The following SGCB variants were observed in gnomAD, a reference collection of about 807,000 sequenced individuals.
SGCB encodes the protein beta-sarcoglycan.
SGCB carries 25 observed loss-of-function variants against 27.3 expected under a neutral mutation model. That is an observed-to-expected ratio of 0.92 (90% CI 0.67 to 1.28). SGCB has a LOEUF of 1.28. Ranked by LOEUF, SGCB falls within the 50% of genes most tolerant of loss-of-function variation. The pLI is 0.00. For missense variants in SGCB, 436 were observed against 402.1 expected (o/e 1.08, Z -0.72); for synonymous variants, 147 against 133.5 (o/e 1.10, Z -0.70).
chr4:52,037,242 A>AT (rs1737415705), intron 1 of SGCB, among the ~76,000 whole-genome samples: 1 of 152,068 alleles, frequency 6.6e-6, no homozygotes, highest in South Asian at 2.1e-4. Flanking sequence ...TCTTTAGCTG[A>AT]TTTTTTCTGC....
intron 5 of SGCB, among the ~76,000 whole-genome samples, chr4:52,025,134 TGGGGAATACAGCAGTA>T (rs1737053504): frequency 6.6e-6 from 1 of 152,138 alleles, no homozygotes; most frequent in African/African-American, 2.4e-5. Flanking sequence ...TTCTAGGTGC[TGGGGAATACAGCAGTA>T]AGTAAAACAG....
intron 5 of SGCB, among the ~76,000 whole-genome samples, chr4:52,026,871 A>G (rs1195320724): frequency 1.3e-5 from 2 of 152,192 alleles, no homozygotes; most frequent in African/African-American, 4.8e-5. Flanking sequence ...GTGACTTTCT[A>G]CTGCTGAGAA....
chr4:52,036,667 G>T (rs144182104), intron 1 of SGCB, among the ~76,000 whole-genome samples: 56 of 152,270 alleles, frequency 3.7e-4, no homozygotes, highest in African/African-American at 1.3e-3. Flanking sequence ...TCAGGATCTC[G>T]TGATTGTTTG....
At chr4:52,025,289 T>C (rs1737060239) in intron 5 of SGCB, among the ~76,000 whole-genome samples, 1 of 151,912 alleles carries the variant, frequency 6.6e-6, no homozygotes, top group Non-Finnish European at 1.5e-5. Flanking sequence ...GCAGGATAAG[T>C]AGAGAGTGAG....
At position 52,026,868 on chromosome 4, in the gene SGCB, T is replaced by C. The variant is rs1737112059; in HGVS notation, c.753+1100A>G. 2.0e-5 allele frequency among the ~76,000 whole-genome samples: 3 copies of C among 152,236 alleles called. 1 individual carries two copies. The South Asian group carries it at 6.2e-4, about 32-fold the overall frequency. ...AACAAATCTCTTGCTTCTGTGACTT[T>C]CTACTGCTGAGAACAGCAGTTGTAC... is the stretch of plus-strand genomic sequence containing the variant. On this transcript the variant is annotated intron_variant, in intron 5 of 5. Transcript: ENST00000381431.
At chr4:52,029,164 G>C (rs1737185091) in intron 3 of SGCB, among the ~76,000 whole-genome samples, 1 of 152,224 alleles carries the variant, frequency 6.6e-6, no homozygotes, top group Admixed American at 6.5e-5. Context: ...AGTCATGGAG[G>C]AACATGGCCC....
At chr4:52,036,529 G>T (rs958705742) in intron 1 of SGCB, among the ~76,000 whole-genome samples, 2 of 152,156 alleles carry the variant, frequency 1.3e-5, no homozygotes, top group Non-Finnish European at 2.9e-5. Flanking sequence ...AAAAAGAGAT[G>T]AACTGGAACT....
rs1022423224 is a variant in SGCB, at chr4:52,023,590, G to A, written c.*367C>T. On this transcript the variant is annotated 3_prime_UTR_variant, in exon 6 of 6. Transcript: ENST00000381431. ...CATACCTTTTTAAATATCTTAAGTGGGTCTATCCCCATTAGAGTTACCAAA... is the reference window on the plus strand; with the variant it reads ...CATACCTTTTTAAATATCTTAAGTGAGTCTATCCCCATTAGAGTTACCAAA... 5 of 256,774 alleles carry A rather than the reference G, an allele frequency of 1.9e-5. No individual in the cohort carries two copies. The highest frequency in any genetic ancestry group is 1.5e-4 in the Admixed American group (3 of 19,734). The allele number at this position is 256,774 out of a possible 1,614,324, so 15.9% of individuals were successfully genotyped here. A position where few individuals can be genotyped will look rare whatever the true frequency, so the allele number is the denominator to read the frequency against.
At chr4:52,027,198 C>T (rs936925217) in intron 5 of SGCB, among the ~76,000 whole-genome samples, 1 of 152,014 alleles carries the variant, frequency 6.6e-6, no homozygotes, top group Non-Finnish European at 1.5e-5. Context: ...ATTTAATTCG[C>T]TTTAATTAAA....
At chr4:52,030,624 A>G (rs225172) in intron 2 of SGCB, among the ~76,000 whole-genome samples, 87,678 of 152,010 alleles carry the variant, frequency 0.58, 28,274 homozygotes, top group Middle Eastern at 0.78. Context: ...TTTCTCTCTC[A>G]GGAAATCTTT....
At position 52,023,302 on chromosome 4, in the gene SGCB, A is replaced by G. The variant is rs1164611718; in HGVS notation, c.*655T>C. On this transcript the variant is annotated 3_prime_UTR_variant, in exon 6 of 6. Transcript: ENST00000381431. ...ATGCTCAATAAAGATAGTTATCATT[A>G]TTATTTAAAAGTTAAAGCTGAGATG... The G allele has an allele frequency of 6.6e-6, 1 of 152,620 alleles. No individual in the cohort carries two copies. Among genetic ancestry groups the G allele is most frequent in the Non-Finnish European group, 1.5e-5 (1 of 68,326 alleles). The allele number at this position is 152,620 out of a possible 1,614,324, so 9.5% of individuals were successfully genotyped here.
chr4:52,031,835 C>T (rs140403995), intron 2 of SGCB: 2 of 451,272 alleles, frequency 4.4e-6, no homozygotes, highest in African/African-American at 4.0e-5. Context: ...TGACAGGTGT[C>T]ACAAGAGGGA....
chr4:52,034,328 T>C (rs1412866536), intron 1 of SGCB, among the ~76,000 whole-genome samples: 1 of 21,086 alleles, frequency 4.7e-5, no homozygotes, highest in African/African-American at 1.4e-4. Context: ...CGAGACTCCG[T>C]CTCAAAAAAA....
At chr4:52,030,224 A>G (rs1403182442) in intron 2 of SGCB, among the ~76,000 whole-genome samples, 1 of 152,176 alleles carries the variant, frequency 6.6e-6, no homozygotes, top group Admixed American at 6.5e-5. Context: ...CTAAACATAT[A>G]TTTCTAAAAT....
chr4:52,022,400 C>A lies in SGCB; in HGVS notation c.*1557G>T, dbSNP rs1736975821. On this transcript the variant is annotated 3_prime_UTR_variant, in exon 6 of 6. Transcript: ENST00000381431. ...ATGCAGGGTTGGGCCCATGCCACAA[C>A]TCTACTGCCTATTTTACAGCAAACT... 2 of 152,218 alleles carry A rather than the reference C, an allele frequency of 1.3e-5. No individual in the cohort carries two copies. The highest frequency in any genetic ancestry group is 4.1e-4 in the South Asian group (2 of 4,830). 9.4% of individuals were successfully genotyped at this position (152,218 alleles called of 1,614,324 possible).
At chr4:52,030,491 T>C (rs1209823017) in intron 2 of SGCB, among the ~76,000 whole-genome samples, 1 of 152,236 alleles carries the variant, frequency 6.6e-6, no homozygotes, top group Non-Finnish European at 1.5e-5. Context: ...CAGAATTTAA[T>C]ACTTCATTTT....
chr4:52,031,732 G>T, intron 2 of SGCB: 2 of 261,194 alleles, frequency 7.7e-6, no homozygotes, highest in South Asian at 3.7e-5. Context: ...TTCAATTCTT[G>T]GCACTTTCCT....
intron 5 of SGCB, 75 bp from the exon 6 acceptor site, chr4:52,024,235 C>T: frequency 8.9e-7 from 1 of 1,129,720 alleles, no homozygotes; most frequent in Admixed American, 1.9e-5. Flanking sequence ...ACAAAACTTC[C>T]TGAAATATCA....
rs776593068 is a variant in SGCB at position 52,024,001 on chromosome 4, T to C, written c.913A>G (p.Met305Val). 2 of 1,614,098 alleles carry C rather than the reference T, an allele frequency of 1.2e-6. No homozygotes were observed. The highest frequency in any genetic ancestry group is 8.5e-7 in the Non-Finnish European group (1 of 1,180,042). ...LFKVQVTSQN[M>V]GCQISDNPCG... ...GGGTTGTCTGAGATTTGGCAGCCCA[T>C]GTTCTGGCTGGTTACTTGCACCTTG... The change falls in exon 6 of 6, where the codon ATG (methionine) becomes GTG (valine). Residue 305 changes from methionine (M) to valine (V), a missense_variant. Physicochemically the swap from Met to Val is conservative, Grantham distance 21. Transcript: ENST00000381431.
Sources: allele counts gnomAD v4.1 joint callset (sites outside exome capture counted in the v4.1 genomes callset), GRCh38; gene constraint gnomAD v4.1.1; transcripts MANE v1.5; gene names NCBI Gene and HGNC (gene_info 2026-07-23, HGNC 2026-07-21).